The following PCDHA3 variants were observed in gnomAD, a reference collection of about 807,000 sequenced individuals.
The protein encoded by PCDHA3 is protocadherin alpha-3.
Under a neutral mutation model 62.2 loss-of-function variants are expected in PCDHA3, and 41 were observed. The ratio of observed to expected loss-of-function variants is 0.66; its 90% CI spans 0.51 to 0.86. The LOEUF (loss-of-function observed/expected upper bound fraction) is 0.86. Among genes scored for constraint, PCDHA3 ranks in the 40% least tolerant of loss-of-function variants. PCDHA3 has a pLI of 0.00. For synonymous variants in PCDHA3, 640 were observed against 555.4 expected (o/e 1.15, Z -2.14); for missense variants, 1,304 against 1,241.2 (o/e 1.05, Z -0.76).
chr5:140,824,104 CAG>C, intron 1 of PCDHA3: 1 of 1,614,126 alleles, frequency 6.2e-7, no homozygotes, highest in Non-Finnish European at 8.5e-7. Flanking sequence ...AAGCCTTCCT[CAG>C]GGTCCCACCT....
chr5:140,928,288 C>G, intron 1 of PCDHA3: 2 of 1,614,156 alleles, frequency 1.2e-6, no homozygotes, highest in Non-Finnish European at 1.7e-6. Flanking sequence ...CTCTCTAGGC[C>G]GAGTGTTTGC....
rs1166477260 is a variant in PCDHA3, at chr5:140,843,587, C to T, written c.2394+39996C>T. 5 of 1,596,096 alleles carry T rather than the reference C, an allele frequency of 3.1e-6. 1 individual carries two copies. In the East Asian group the frequency reaches 6.7e-5, roughly 21 times the overall value. The stretch of plus-strand genomic sequence containing the variant: ...CTGGTCATACTCGCAACAACAGCCG[C>T]AGAGGGTGTGCTCTGGTGAGGGGCC... On this transcript the variant is annotated intron_variant, in intron 1 of 3. Coordinates refer to ENST00000522353, the MANE Select transcript of PCDHA3 (RefSeq NM_018906.3).
chr5:140,842,608 C>T lies in PCDHA3; in HGVS notation c.2394+39017C>T, dbSNP rs1251086188. On this transcript the variant is annotated intron_variant, in intron 1 of 3. Coordinates refer to ENST00000522353, the MANE Select transcript of PCDHA3 (RefSeq NM_018906.3). ...ATGAGTTGGTGGTAACCGCGCGGGA[C>T]GGGGGCTCGCCTTCGCTGTGGGCCA... The T allele has an allele frequency of 3.9e-6, 6 of 1,557,100 alleles. No homozygotes were observed. The African/African-American group carries it at 4.3e-5, about 11-fold the overall frequency.
chr5:140,923,219 CGTTTGAGCCCAGAA>C (rs6149268), intron 1 of PCDHA3, among the ~76,000 whole-genome samples: 47,935 of 151,966 alleles, frequency 0.32, 7,912 homozygotes, highest in East Asian at 0.52. Context: ...GTGAAAGGAT[CGTTTGAGCCCAGAA>C]GTTTGAGACC....
chr5:141,000,657 A>T (rs1403117310), intron 3 of PCDHA3, among the ~76,000 whole-genome samples: 1 of 151,102 alleles, frequency 6.6e-6, no homozygotes, highest in Non-Finnish European at 1.5e-5. Flanking sequence ...CGAACTCCTG[A>T]CCTCAGGTGA....
intron 1 of PCDHA3, chr5:140,823,123 A>T: frequency 6.2e-7 from 1 of 1,614,012 alleles, no homozygotes; most frequent in Non-Finnish European, 8.5e-7. Flanking sequence ...CGTGAACGAC[A>T]ACGCTCCGGC....
chr5:140,825,885 A>T (rs1768750702), intron 1 of PCDHA3: 1 of 152,452 alleles, frequency 6.6e-6, no homozygotes, highest in African/African-American at 2.4e-5. Flanking sequence ...AGAGTTGTTT[A>T]TTAAAGCTGT....
chr5:140,993,949 T>C (rs1330727166), intron 3 of PCDHA3, among the ~76,000 whole-genome samples: 1 of 152,204 alleles, frequency 6.6e-6, no homozygotes, highest in Non-Finnish European at 1.5e-5. Flanking sequence ...TGTTAAGTGA[T>C]ACATGACTGT....
intron 1 of PCDHA3, among the ~76,000 whole-genome samples, chr5:140,911,436 C>T (rs369054235): frequency 6.1e-4 from 93 of 152,242 alleles, no homozygotes; most frequent in South Asian, 2.9e-3. Context: ...TCCAATTTCC[C>T]GCAATTTCAG....
intron 1 of PCDHA3, chr5:140,809,265 T>C: frequency 6.2e-7 from 1 of 1,614,084 alleles, no homozygotes. Flanking sequence ...GATGCTGCGC[T>C]GGTGGATGTC....
Position 140,876,213 on chromosome 5 carries a change from T to G in PCDHA3, c.2394+72622T>G, listed in dbSNP as rs782372222. On this transcript the variant is annotated intron_variant, in intron 1 of 3. Transcript: ENST00000522353. ...GTCCGGCGTTTGATAAGCCCAGCTA[T>G]AAAGTAGTGTTGTCTGAAAATGTCC... The G allele has an allele frequency of 3.1e-6, 5 of 1,613,846 alleles. No individual in the cohort carries two copies. The East Asian group carries it at 1.1e-4, about 36-fold the overall frequency.
At position 140,939,517 on chromosome 5, in the gene PCDHA3, G is replaced by GACATTGTAGAATTATAGAATTCTACATAA. The variant is rs559604027; in HGVS notation, c.2395-39432_2395-39431insACATTGTAGAATTATAGAATTCTACATAA. 5.4e-3 allele frequency among the ~76,000 whole-genome samples: 825 copies of GACATTGTAGAATTATAGAATTCTACATAA among 152,166 alleles called. 3 individuals carry two copies. Among genetic ancestry groups the GACATTGTAGAATTATAGAATTCTACATAA allele is most frequent in the African/African-American group, 0.019 (794 of 41,518 alleles). On this transcript the variant is annotated intron_variant, in intron 1 of 3. Coordinates refer to ENST00000522353, the MANE Select transcript of PCDHA3 (RefSeq NM_018906.3). Reference sequence around the variant, plus strand: ...AAATTCAATGTCTATAACATTAATAGTTATAGAATTATACAGAGCCTCTAT... The same window carrying GACATTGTAGAATTATAGAATTCTACATAA: ...AAATTCAATGTCTATAACATTAATAGACATTGTAGAATTATAGAATTCTACATAATTATAGAATTATACAGAGCCTCTAT...
At chr5:140,846,491 C>T (rs1471835490) in intron 1 of PCDHA3, among the ~76,000 whole-genome samples, 1 of 146,532 alleles carries the variant, frequency 6.8e-6, no homozygotes, top group Non-Finnish European at 1.5e-5. Context: ...TCTCCTTCCT[C>T]AGCCTCCCAA....
rs577444100 is a variant in PCDHA3 at position 140,802,518 on chromosome 5, G to A, written c.1321G>A (p.Val441Met). The change falls in exon 1 of 4, where the codon GTG becomes ATG. Residue 441 changes from valine (V) to methionine (M), a missense_variant. Coordinates refer to ENST00000522353, the MANE Select transcript of PCDHA3 (RefSeq NM_018906.3). ...GSPSLWATAS[V>M]SVEVADVNDN... ...GCCTTCACTGTGGGCCACGGCCAGC[G>A]TGTCCGTGGAGGTGGCCGACGTGAA... 8 of 1,614,136 alleles carry A rather than the reference G, an allele frequency of 5.0e-6. No individual in the cohort carries two copies. The highest frequency in any genetic ancestry group is 3.3e-5 in the South Asian group (3 of 91,078).
intron 1 of PCDHA3, among the ~76,000 whole-genome samples, chr5:140,914,408 T>C (rs917953173): frequency 6.6e-6 from 1 of 152,224 alleles, no homozygotes; most frequent in Non-Finnish European, 1.5e-5. Context: ...GCTCCTGTTT[T>C]GTTTCCATTA....
intron 1 of PCDHA3, among the ~76,000 whole-genome samples, chr5:140,833,243 A>G (rs1356488600): frequency 6.6e-6 from 1 of 152,204 alleles, no homozygotes; most frequent in Non-Finnish European, 1.5e-5. Context: ...AGCTACTGCA[A>G]TACACCAGGA....
chr5:140,821,171 C>A (rs1442179324), intron 1 of PCDHA3, among the ~76,000 whole-genome samples: 1 of 152,078 alleles, frequency 6.6e-6, no homozygotes, highest in Admixed American at 6.5e-5. Context: ...TACAAACATT[C>A]CATTGACTAA....
chr5:140,870,972 G>A, intron 1 of PCDHA3: 2 of 1,613,640 alleles, frequency 1.2e-6, no homozygotes, highest in Non-Finnish European at 1.7e-6. Flanking sequence ...CGTTCCGCGT[G>A]GGGCTGTACA....
chr5:140,816,544 A>G (rs1237815251), intron 1 of PCDHA3: 1 of 150,686 alleles, frequency 6.6e-6, no homozygotes, highest in Non-Finnish European at 1.5e-5. Flanking sequence ...GGCACGCACT[A>G]TTTGATTGGG....
Sources: gnomAD v4.1 joint callset for allele counts (sites outside exome capture counted in the v4.1 genomes callset) on GRCh38, gnomAD v4.1.1 for gene constraint, MANE v1.5 for transcripts, NCBI Gene and HGNC (gene_info 2026-07-23, HGNC 2026-07-21) for gene names.